Variants in SRGAP1 observed in about 807,000 individuals in gnomAD.
SRGAP1 encodes the protein SLIT-ROBO Rho GTPase-activating protein 1.
In SRGAP1, 43 loss-of-function variants were observed where a neutral mutation model predicts 121.9. The ratio of observed to expected loss-of-function variants is 0.35; its 90% confidence interval spans 0.28 to 0.46. SRGAP1 has a LOEUF of 0.46. Ranked by LOEUF, SRGAP1 falls within the 20% of genes least tolerant of loss-of-function variation. SRGAP1 has a pLI of 1.00. For synonymous variants in SRGAP1, 447 were observed against 485.4 expected, an observed-to-expected ratio of 0.92 and a Z score of 1.04; for missense variants, 1,102 against 1,350.9, an observed-to-expected ratio of 0.82 and a Z score of 2.89.
chr12:63,866,299 C>G (rs1024195964), intron 1 of SRGAP1, among the ~76,000 whole-genome samples: 1 of 152,198 alleles, frequency 6.6e-6, no homozygotes, highest in Admixed American at 6.5e-5. Context: ...CTTCTTGAAA[C>G]CACCACTGCA....
At chr12:63,877,995 A>G (rs2136283401) in intron 1 of SRGAP1, among the ~76,000 whole-genome samples, 1 of 152,356 alleles carries the variant, frequency 6.6e-6, no homozygotes, top group Middle Eastern at 3.4e-3. Context: ...CCTTTCTGCC[A>G]TCTACATTTG....
intron 1 of SRGAP1, among the ~76,000 whole-genome samples, chr12:63,920,078 A>G (rs533150953): frequency 1.3e-5 from 2 of 152,320 alleles, no homozygotes; most frequent in East Asian, 3.9e-4. Flanking sequence ...ATACGACTGC[A>G]TTGTTTTCCG....
At chr12:63,913,454 C>CATATATATATATATAT (rs570506869) in intron 1 of SRGAP1, among the ~76,000 whole-genome samples, 6 of 124,112 alleles carry the variant, frequency 4.8e-5, no homozygotes, top group African/African-American at 8.9e-5. Flanking sequence ...ACTGTGTCCA[C>CATATATATATATATAT]ATATATATAT....
intron 6 of SRGAP1, among the ~76,000 whole-genome samples, chr12:64,054,283 T>G (rs2035296346): frequency 6.6e-6 from 1 of 152,238 alleles, no homozygotes; most frequent in Non-Finnish European, 1.5e-5. Context: ...AGAGATTATC[T>G]GTCACATGTG....
intron 10 of SRGAP1, among the ~76,000 whole-genome samples, chr12:64,085,885 C>T (rs1413904628): frequency 2.6e-5 from 4 of 152,174 alleles, no homozygotes; most frequent in African/African-American, 9.7e-5. Context: ...TTTACTGTGG[C>T]CTGGCCCTAT....
At position 64,151,035 on chromosome 12, in the gene SRGAP1, A is replaced by G. The variant is rs946666122; in HGVS notation, c.*8363A>G. ...GCCCAAAGATTGTTACTGTGTTAGTAACTAAATATTACGAGATGCATTAGG... is the reference window on the plus strand; with the variant it reads ...GCCCAAAGATTGTTACTGTGTTAGTGACTAAATATTACGAGATGCATTAGG... On this transcript the variant is annotated 3_prime_UTR_variant, in exon 22 of 22. Transcript: ENST00000355086. 1 of 150,652 alleles carries G rather than the reference A, an allele frequency of 6.6e-6. No individual in the cohort carries two copies. Among genetic ancestry groups the G allele is most frequent in the Non-Finnish European group, 1.5e-5 (1 of 67,666 alleles). 9.3% of individuals were successfully genotyped at this position (150,652 alleles called of 1,614,324 possible). A position where few individuals can be genotyped will look rare whatever the true frequency, so the allele number is the denominator to read the frequency against.
At chr12:63,926,543 G>T (rs564208067) in intron 1 of SRGAP1, among the ~76,000 whole-genome samples, 3 of 151,952 alleles carry the variant, frequency 2.0e-5, no homozygotes, top group Non-Finnish European at 4.4e-5. Flanking sequence ...TGTTTTTTAG[G>T]ATTTTTATTA....
At chr12:63,955,245 G>A (rs924450112) in intron 1 of SRGAP1, among the ~76,000 whole-genome samples, 1 of 152,124 alleles carries the variant, frequency 6.6e-6, no homozygotes, top group Non-Finnish European at 1.5e-5. Flanking sequence ...CTTGAACCCA[G>A]GAGGCACAGG....
In SRGAP1 at chr12:64,146,757, C is replaced by G. The variant is rs1380138959; in HGVS notation, c.*4085C>G. On this transcript the variant is annotated 3_prime_UTR_variant, in exon 22 of 22. Transcript: ENST00000355086. ...TCCAGACCACCTGCCACCCACCTCC[C>G]AAGTTGAGAACACAAGCTCCAGCTG... 1 of 152,052 alleles carries G rather than the reference C, an allele frequency of 6.6e-6. No individual in the cohort carries two copies. The allele number at this position is 152,052 out of a possible 1,614,324, so 9.4% of individuals were successfully genotyped here.
At chr12:63,855,454 A>T (rs1372050933) in intron 1 of SRGAP1, among the ~76,000 whole-genome samples, 2 of 144,464 alleles carry the variant, frequency 1.4e-5, no homozygotes, top group Admixed American at 1.4e-4. Context: ...AACAAGCAGC[A>T]GTCAACATGA....
intron 1 of SRGAP1, among the ~76,000 whole-genome samples, chr12:63,962,617 A>C (rs560173505): frequency 6.8e-4 from 104 of 152,292 alleles, no homozygotes; most frequent in African/African-American, 2.4e-3. Context: ...CACATTGGCC[A>C]GGCTGGTCTC....
intron 8 of SRGAP1, among the ~76,000 whole-genome samples, chr12:64,067,234 G>C (rs964183723): frequency 6.6e-5 from 10 of 152,146 alleles, no homozygotes; most frequent in Admixed American, 3.9e-4. Context: ...GAGAAGCACA[G>C]TGTCCTTATA....
At chr12:64,008,296 T>A (rs973809750) in intron 3 of SRGAP1, among the ~76,000 whole-genome samples, 4 of 152,196 alleles carry the variant, frequency 2.6e-5, no homozygotes, top group Admixed American at 6.5e-5. Flanking sequence ...CAAGGATTTT[T>A]AAAATTTCTC....
rs1259851181 is a variant in SRGAP1 at position 64,149,365 on chromosome 12, G to C, written c.*6693G>C. 1 of 152,194 alleles carries C rather than the reference G, an allele frequency of 6.6e-6. No homozygotes were observed. The highest frequency in any genetic ancestry group is 1.5e-5 in the Non-Finnish European group (1 of 68,056). The allele number at this position is 152,194 out of a possible 1,614,324, so 9.4% of individuals were successfully genotyped here. On this transcript the variant is annotated 3_prime_UTR_variant, in exon 22 of 22. Transcript: ENST00000355086. Reference sequence around the variant, plus strand: ...TGAAGCTTTACTTGATGCTTATCAAGTCATGTTCTCTTACCCGATGCTGGA... The same window carrying C: ...TGAAGCTTTACTTGATGCTTATCAACTCATGTTCTCTTACCCGATGCTGGA...
At chr12:63,892,861 C>A in intron 1 of SRGAP1, among the ~76,000 whole-genome samples, 1 of 151,720 alleles carries the variant, frequency 6.6e-6, no homozygotes, top group Non-Finnish European at 1.5e-5. Context: ...GAGACTGTAG[C>A]GCATTTAATT....
intron 21 of SRGAP1, among the ~76,000 whole-genome samples, chr12:64,132,695 G>T (rs2036803410): frequency 6.6e-6 from 1 of 152,212 alleles, no homozygotes; most frequent in Non-Finnish European, 1.5e-5. Flanking sequence ...AATAAGTCCA[G>T]TGTGTTTGCT....
At chr12:63,970,950 A>G (rs907165491) in intron 1 of SRGAP1, among the ~76,000 whole-genome samples, 1 of 152,208 alleles carries the variant, frequency 6.6e-6, no homozygotes. Flanking sequence ...AGCATCCTAT[A>G]TCATTTTAGA....
At chr12:64,122,825 G>A (rs983727775) in intron 18 of SRGAP1, among the ~76,000 whole-genome samples, 1 of 152,178 alleles carries the variant, frequency 6.6e-6, no homozygotes, top group Admixed American at 6.5e-5. Flanking sequence ...TTGAACCCGG[G>A]AGGCAGAGGT....
At chr12:63,917,282 C>T (rs990212524) in intron 1 of SRGAP1, among the ~76,000 whole-genome samples, 44 of 152,194 alleles carry the variant, frequency 2.9e-4, no homozygotes, top group African/African-American at 7.0e-4. Context: ...CCTGAGTCGT[C>T]GGAACCCCTG....
Sources: allele counts gnomAD v4.1 joint callset (sites outside exome capture counted in the v4.1 genomes callset), GRCh38; gene constraint gnomAD v4.1.1; transcripts MANE v1.5; gene names NCBI Gene and HGNC (gene_info 2026-07-23, HGNC 2026-07-21).